The following KATNAL2 variants were observed in gnomAD, a reference collection of about 807,000 sequenced individuals.
KATNAL2 encodes the protein katanin p60 ATPase-containing subunit A-like 2.
In KATNAL2, 52 loss-of-function variants were observed where a neutral mutation model predicts 76.3. The ratio of observed to expected loss-of-function variants is 0.68; its 90% CI spans 0.55 to 0.86. KATNAL2 has a LOEUF of 0.86. Among genes scored for constraint, KATNAL2 ranks in the 40% least tolerant of loss-of-function variants. The pLI is 0.00. For missense variants in KATNAL2, 660 were observed against 668.9 expected, an observed-to-expected ratio of 0.99 and a Z score of 0.15; for synonymous variants, 243 against 244.2, an observed-to-expected ratio of 1.00 and a Z score of 0.05.
chr18:47,085,470 G>C (rs900877255), intron 15 of KATNAL2, among the ~76,000 whole-genome samples: 3 of 152,162 alleles, frequency 2.0e-5, no homozygotes, highest in African/African-American at 7.2e-5. Context: ...GATGAGAGGA[G>C]CCTGAAGTCG....
chr18:47,034,435 G>A (rs2060655178), intron 3 of KATNAL2: 1 of 1,613,996 alleles, frequency 6.2e-7, no homozygotes, highest in Non-Finnish European at 8.5e-7. Context: ...CTTGAAGTCC[G>A]AAGGCTGCCT....
chr18:47,079,437 C>A (rs2031178752), intron 15 of KATNAL2, among the ~76,000 whole-genome samples: 1 of 151,784 alleles, frequency 6.6e-6, no homozygotes, highest in South Asian at 2.1e-4. Flanking sequence ...CTCTGTCATC[C>A]AGGCTGGAGT....
chr18:47,081,181 A>G (rs1281324507), intron 15 of KATNAL2, among the ~76,000 whole-genome samples: 1 of 148,730 alleles, frequency 6.7e-6, no homozygotes, highest in African/African-American at 2.5e-5. Context: ...TTTTTTCTCT[A>G]CCTTGCTAAA....
chr18:47,094,333 A>G (rs2063136256), intron 15 of KATNAL2, among the ~76,000 whole-genome samples: 1 of 152,218 alleles, frequency 6.6e-6, no homozygotes, highest in Admixed American at 6.5e-5. Context: ...TGTTAATAGC[A>G]GTTCAAAATG....
chr18:47,098,256 C>A, intron 15 of KATNAL2: 1 of 391,236 alleles, frequency 2.6e-6, no homozygotes, highest in Non-Finnish European at 5.0e-6. Flanking sequence ...CATTTTCATG[C>A]TGCTGGTGAA....
chr18:47,095,210 A>G (rs2063177702), intron 15 of KATNAL2, among the ~76,000 whole-genome samples: 1 of 152,236 alleles, frequency 6.6e-6, no homozygotes, highest in African/African-American at 2.4e-5. Flanking sequence ...AGGAGGAAGC[A>G]GAGGTGATTG....
chr18:46,919,007 A>G (rs547002273), intron 1 of KATNAL2, among the ~76,000 whole-genome samples: 6,944 of 143,232 alleles, frequency 0.048, 185 homozygotes, highest in Non-Finnish European at 0.065. Context: ...ATATATATAT[A>G]TGTGTGTGTG....
intron 1 of KATNAL2, among the ~76,000 whole-genome samples, chr18:46,924,074 G>A (rs778568937): frequency 9.2e-5 from 14 of 152,168 alleles, no homozygotes; most frequent in Non-Finnish European, 2.1e-4. Flanking sequence ...AAGCTCTTTA[G>A]TTTAATTAGA....
At chr18:47,076,012 A>G (rs1166303885) in intron 14 of KATNAL2, 12 of 152,182 alleles carry the variant, frequency 7.9e-5, no homozygotes, top group Admixed American at 7.9e-4. Flanking sequence ...CGTTTTTAAG[A>G]TCAGCTTTCT....
At chr18:47,072,199 G>T (rs1368799517) in intron 13 of KATNAL2, among the ~76,000 whole-genome samples, 1 of 151,562 alleles carries the variant, frequency 6.6e-6, no homozygotes, top group Non-Finnish European at 1.5e-5. Flanking sequence ...CTTGTGATCT[G>T]CCTACCTTGG....
rs552176597 is a variant in KATNAL2, at chr18:46,946,093, A to G, written c.-473A>G. On this transcript the variant is annotated 5_prime_UTR_variant, in exon 2 of 18. Transcript: ENST00000683218. ...TTGAATATTTTTGTATCCTGAAGGG[A>G]GAAATGGATGAAGAAGAAATGGATG... The G allele has an allele frequency of 1.5e-5, 8 of 517,342 alleles. No individual in the cohort carries two copies. The South Asian group carries it at 5.7e-4, about 37-fold the overall frequency. The allele number at this position is 517,342 out of a possible 1,614,324, so 32.0% of individuals were successfully genotyped here.
rs140471658 is a variant in KATNAL2 at position 47,096,517 on chromosome 18, T to C, written c.1212-2726T>C. Among the ~76,000 whole-genome samples, 43 of 152,238 alleles carry C rather than the reference T, an allele frequency of 2.8e-4. 1 individual carries two copies. Among genetic ancestry groups the C allele is most frequent in the African/African-American group, 1.0e-3 (43 of 41,540 alleles). On this transcript the variant is annotated intron_variant, in intron 15 of 17. Coordinates refer to ENST00000683218, the MANE Select transcript of KATNAL2 (RefSeq NM_001387690.1). ...TCACCACACCCGGCTAATTTTTATA[T>C]TGTGCAGAGACGGGGTCTCACTATG... is the stretch of plus-strand genomic sequence containing the variant.
chr18:47,033,297 C>T (rs1447871943), intron 3 of KATNAL2: 5 of 1,613,450 alleles, frequency 3.1e-6, no homozygotes, highest in East Asian at 2.2e-5. Context: ...TCTCTTGCCT[C>T]CTTGAAGTAT....
intron 1 of KATNAL2, among the ~76,000 whole-genome samples, chr18:46,938,162 A>T (rs893146170): frequency 6.6e-6 from 1 of 152,226 alleles, no homozygotes; most frequent in African/African-American, 2.4e-5. Context: ...ATATAAAAAC[A>T]TGGGCAAATC....
chr18:46,957,720 G>A (rs2059807016), intron 3 of KATNAL2, among the ~76,000 whole-genome samples: 1 of 151,544 alleles, frequency 6.6e-6, no homozygotes, highest in Non-Finnish European at 1.5e-5. Flanking sequence ...GTGCCATCAC[G>A]CCTGGCTAAT....
rs150260760 is a variant in KATNAL2 at position 46,939,113 on chromosome 18, G to A, written c.-509-6944G>A. On this transcript the variant is annotated intron_variant, in intron 1 of 17. Transcript: ENST00000683218. ...TCCCAGCACTTTGGGAGGCCGAGGC[G>A]GGCAGATCACAAGGTCAGGAGATCA... Among the ~76,000 whole-genome samples the A allele has an allele frequency of 2.8e-3, 428 of 152,130 alleles. 2 individuals carry two copies. The Middle Eastern group carries it at 0.034, about 12-fold the overall frequency.
intron 15 of KATNAL2, among the ~76,000 whole-genome samples, chr18:47,092,912 C>G (rs910913035): frequency 1.3e-5 from 2 of 152,088 alleles, no homozygotes; most frequent in Non-Finnish European, 2.9e-5. Flanking sequence ...TTGAAAATGT[C>G]TTTATTCTAT....
rs1189657847 is a variant in KATNAL2, at chr18:47,053,167, A to T, written c.289+121A>T. 6.4e-6 allele frequency: 5 copies of T among 777,188 alleles called. 1 individual carries two copies. In the Admixed American group the frequency reaches 1.3e-4, roughly 21 times the overall value. 48.1% of individuals were successfully genotyped at this position (777,188 alleles called of 1,614,324 possible). On this transcript the variant is annotated intron_variant, in intron 5 of 17. Transcript: ENST00000683218. ...TGCACCAAAGGAGTAGGCCAGGAGG[A>T]TTGTGTAGCCATTCTCATATCCAGC...
chr18:47,055,612 G>A (rs909982980), intron 6 of KATNAL2, among the ~76,000 whole-genome samples: 3 of 152,322 alleles, frequency 2.0e-5, no homozygotes, highest in East Asian at 1.9e-4. Context: ...GAGTTTTATC[G>A]CTTTGACAAA....
Sources: allele counts gnomAD v4.1 joint callset (sites outside exome capture counted in the v4.1 genomes callset), GRCh38; gene constraint gnomAD v4.1.1; transcripts MANE v1.5; gene names NCBI Gene and HGNC (gene_info 2026-07-23, HGNC 2026-07-21).